LUC7L2: variants seen among roughly 807,000 people sequenced by gnomAD.
LUC7L2 encodes putative RNA-binding protein Luc7-like 2.
LUC7L2 carries 25 observed loss-of-function variants against 52.8 expected under a neutral mutation model. The ratio of observed to expected loss-of-function variants is 0.47; its 90% CI spans 0.34 to 0.66. LUC7L2 has a LOEUF of 0.66. LUC7L2 is among the 30% of genes least tolerant of loss of function. The pLI is 0.01. For synonymous variants in LUC7L2, 144 were observed against 160.9 expected (o/e 0.89, Z 0.80); for missense variants, 328 against 497.8 (o/e 0.66, Z 3.25).
At chr7:139,357,785 G>C (rs553233240), upstream of LUC7L2, among the ~76,000 whole-genome samples, 8 of 150,982 alleles carry the variant, frequency 5.3e-5, no homozygotes, top group Non-Finnish European at 1.0e-4. Flanking sequence ...TCCGCCTCTT[G>C]GGTTCAAGCG....
chr7:139,378,313 C>T (rs1388178798), intron 2 of LUC7L2, among the ~76,000 whole-genome samples: 1 of 151,708 alleles, frequency 6.6e-6, no homozygotes, highest in Non-Finnish European at 1.5e-5. Context: ...TAAATTACTA[C>T]TTGAGATAAA....
chr7:139,412,481 T>A, intron 7 of LUC7L2, 70 bp from the exon 8 acceptor site: 1 of 1,508,334 alleles, frequency 6.6e-7, no homozygotes, highest in Non-Finnish European at 9.0e-7. Flanking sequence ...TCAGGAAGAA[T>A]ATAATGTAAC....
intron 1 of LUC7L2, among the ~76,000 whole-genome samples, chr7:139,365,282 TCTC>T (rs1222029452): frequency 2.6e-5 from 4 of 152,212 alleles, no homozygotes; most frequent in African/African-American, 9.7e-5. Flanking sequence ...GTTGTTTAGT[TCTC>T]CTCAAGTAAG....
intron 8 of LUC7L2, among the ~76,000 whole-genome samples, chr7:139,413,200 T>TAAA (rs1254646405): frequency 1.3e-5 from 2 of 152,244 alleles, no homozygotes; most frequent in Non-Finnish European, 2.9e-5. Flanking sequence ...CCTTTCTTTG[T>TAAA]AGTTTTTGCT....
intron 1 of LUC7L2, chr7:139,345,446 C>T (rs1195514476): frequency 6.2e-7 from 1 of 1,605,868 alleles, no homozygotes; most frequent in Non-Finnish European, 8.5e-7. Context: ...AAATCTTTCT[C>T]TGTGGACCTG....
chr7:139,372,090 TC>T (rs1326215926), intron 1 of LUC7L2, among the ~76,000 whole-genome samples: 1 of 152,216 alleles, frequency 6.6e-6, no homozygotes, highest in Non-Finnish European at 1.5e-5. Context: ...AAATCAAGTT[TC>T]TAATTCTAAA....
In LUC7L2 at chr7:139,341,390, G is replaced by A. The variant is rs563299778; in HGVS notation, c.-26+873G>A. ...GCTCGGAGAAGGACAGGACAATGGC[G>A]GCCTTAGGGTCCCCGTCGCACACTT... On this transcript the variant is annotated intron_variant, in intron 1 of 10. Transcript: ENST00000541170. 17 of 1,612,542 alleles carry A rather than the reference G, an allele frequency of 1.1e-5. No homozygotes were observed. In the South Asian group the frequency reaches 1.9e-4, roughly 18 times the overall value.
chr7:139,393,777 A>G (rs1234887875), intron 2 of LUC7L2, among the ~76,000 whole-genome samples: 1 of 152,200 alleles, frequency 6.6e-6, no homozygotes, highest in African/African-American at 2.4e-5. Context: ...TCTCATGTGC[A>G]TAGCACAGTG....
intron 8 of LUC7L2, chr7:139,417,121 G>T (rs1406989782): frequency 2.5e-5 from 4 of 163,200 alleles, no homozygotes; most frequent in Admixed American, 1.2e-4. Flanking sequence ...CATTGCAGCA[G>T]CCTTGACCTC....
At chr7:139,347,127 G>A (rs1799294957) in intron 1 of LUC7L2, among the ~76,000 whole-genome samples, 1 of 152,030 alleles carries the variant, frequency 6.6e-6, no homozygotes. Flanking sequence ...GTATATGTCA[G>A]TTTCTTCTGG....
chr7:139,421,429 A>G (rs1259033655), intron 9 of LUC7L2, among the ~76,000 whole-genome samples: 1 of 152,162 alleles, frequency 6.6e-6, no homozygotes, highest in East Asian at 1.9e-4. Flanking sequence ...TTTCCGATTG[A>G]TTTATTATTT....
At chr7:139,354,724 T>C (rs1799557144) in intron 1 of LUC7L2, among the ~76,000 whole-genome samples, 1 of 152,234 alleles carries the variant, frequency 6.6e-6, no homozygotes, top group Non-Finnish European at 1.5e-5. Context: ...TTGAGTGAGC[T>C]ATAGGACTGA....
intron 1 of LUC7L2, among the ~76,000 whole-genome samples, chr7:139,342,986 G>A (rs1167257108): frequency 6.6e-6 from 1 of 152,200 alleles, no homozygotes; most frequent in Non-Finnish European, 1.5e-5. Flanking sequence ...CTCCGGAGAA[G>A]GGATTCTATT....
At chr7:139,371,611 T>A in intron 1 of LUC7L2, 2 of 1,024,848 alleles carry the variant, frequency 2.0e-6, no homozygotes, top group Non-Finnish European at 2.8e-6. Context: ...TAAAATCATG[T>A]CAGATACTAC....
intron 1 of LUC7L2, among the ~76,000 whole-genome samples, chr7:139,364,465 G>A (rs749177063): frequency 6.6e-5 from 10 of 151,944 alleles, no homozygotes; most frequent in East Asian, 1.9e-4. Flanking sequence ...GACTGTTTCG[G>A]GCAAGTTAAA....
intron 5 of LUC7L2, 73 bp downstream of exon 5, chr7:139,405,860 C>G: frequency 6.7e-7 from 1 of 1,484,214 alleles, no homozygotes. Flanking sequence ...GTAGATGAAA[C>G]TTCAGTATCT....
intron 1 of LUC7L2, among the ~76,000 whole-genome samples, chr7:139,353,928 A>G (rs1002513254): frequency 3.9e-5 from 6 of 152,128 alleles, no homozygotes; most frequent in African/African-American, 1.4e-4. Context: ...CAGCCTGGGC[A>G]ACATGGCGAA....
chr7:139,378,876 G>C (rs1179595574), intron 2 of LUC7L2, among the ~76,000 whole-genome samples: 2 of 152,128 alleles, frequency 1.3e-5, no homozygotes, highest in Non-Finnish European at 2.9e-5. Context: ...ATTCTGAAAG[G>C]TTCACAACTC....
At chr7:139,386,847 G>C (rs1444364842) in intron 2 of LUC7L2, among the ~76,000 whole-genome samples, 1 of 151,820 alleles carries the variant, frequency 6.6e-6, no homozygotes, top group Non-Finnish European at 1.5e-5. Flanking sequence ...AAGGATTAGA[G>C]CTTTTTTTTG....
Sources: gnomAD v4.1 joint callset for allele counts (sites outside exome capture counted in the v4.1 genomes callset) on GRCh38, gnomAD v4.1.1 for gene constraint, MANE v1.5 for transcripts, NCBI Gene and HGNC (gene_info 2026-07-23, HGNC 2026-07-21) for gene names.